The following ENO2 variants were observed in gnomAD, a reference collection of about 807,000 sequenced individuals.
ENO2 encodes the protein enolase 2.
Under a neutral mutation model 48.7 loss-of-function variants are expected in ENO2, and 19 were observed. The ratio of observed to expected loss-of-function variants is 0.39; its 90% CI spans 0.27 to 0.57. The LOEUF (loss-of-function observed/expected upper bound fraction) is 0.57. Ranked by LOEUF, ENO2 falls within the 20% of genes least tolerant of loss-of-function variation. ENO2 has a pLI of 0.58. For synonymous variants in ENO2, 198 were observed against 213.4 expected, an observed-to-expected ratio of 0.93 and a Z score of 0.63; for missense variants, 416 against 555.0, an observed-to-expected ratio of 0.75 and a Z score of 2.52.
intron 8 of ENO2, among the ~76,000 whole-genome samples, chr12:6,919,992 C>A (rs1338939348): frequency 6.6e-6 from 1 of 152,114 alleles, no homozygotes; most frequent in East Asian, 1.9e-4. Flanking sequence ...TGATTAAAGT[C>A]ATGGGTTCTG....
Position 6,917,484 on chromosome 12 carries a change from C to T in ENO2, c.311-97C>T, listed in dbSNP as rs782242023. On this transcript the variant is annotated intron_variant, in intron 5 of 11. Transcript: ENST00000229277. ...CAGGGGTGGGGAGGGAGGAGGGGGT[C>T]TCCTTTACTGGCTCCTTTTGGAGAC... The T allele has an allele frequency of 8.0e-5, 120 of 1,500,650 alleles. No individual in the cohort carries two copies. The South Asian group carries it at 1.6e-3, about 20-fold the overall frequency. The allele number at this position is 1,500,650 out of a possible 1,614,324, so 93.0% of individuals were successfully genotyped here. A position where few individuals can be genotyped will look rare whatever the true frequency, so the allele number is the denominator to read the frequency against.
At chr12:6,918,913 C>T (rs1447505925) in intron 7 of ENO2, among the ~76,000 whole-genome samples, 1 of 142,142 alleles carries the variant, frequency 7.0e-6, no homozygotes, top group Non-Finnish European at 1.5e-5. Flanking sequence ...ACCCGGGAGG[C>T]GGAGGTTGTG....
At chr12:6,917,890 G>A in intron 6 of ENO2, 50 bp from the exon 7 acceptor site, 1 of 1,604,796 alleles carries the variant, frequency 6.2e-7, no homozygotes, top group Admixed American at 1.7e-5. Flanking sequence ...CACTCCTGGG[G>A]CGGGCAGGGA....
intron 8 of ENO2, among the ~76,000 whole-genome samples, chr12:6,920,479 A>T (rs1945330760): frequency 6.6e-6 from 1 of 150,494 alleles, no homozygotes; most frequent in Admixed American, 6.6e-5. Flanking sequence ...GGCTCACCAC[A>T]ACCTCCACCT....
At chr12:6,921,449 T>C in intron 8 of ENO2, 132 bp from the exon 9 acceptor site, 2 of 876,304 alleles carry the variant, frequency 2.3e-6, no homozygotes, top group Non-Finnish European at 3.6e-6. Flanking sequence ...GGGATTTGTC[T>C]TAGCAAGGAT....
intron 8 of ENO2, among the ~76,000 whole-genome samples, chr12:6,920,469 G>A (rs1420647587): frequency 1.3e-5 from 2 of 150,436 alleles, no homozygotes; most frequent in African/African-American, 2.4e-5. Flanking sequence ...GCGCCATCTC[G>A]GCTCACCACA....
chr12:6,919,880 T>C (rs1555141961), intron 8 of ENO2, 117 bp downstream of exon 8: 4 of 1,137,312 alleles, frequency 3.5e-6, no homozygotes, highest in Non-Finnish European at 3.7e-6. Context: ...AAGAAGAACC[T>C]GAGAACCAGG....
Position 6,920,372 on chromosome 12 carries a change from T to G in ENO2, c.865+609T>G, listed in dbSNP as rs1193244713. Among the ~76,000 whole-genome samples the G allele has an allele frequency of 4.7e-4, 39 of 82,552 alleles. 1 individual carries two copies. The highest frequency in any genetic ancestry group is 1.1e-3 in the East Asian group (3 of 2,716). 54.2% of individuals were successfully genotyped at this position (82,552 alleles called of 152,430 possible). A position where few individuals can be genotyped will look rare whatever the true frequency, so the allele number is the denominator to read the frequency against. On this transcript the variant is annotated intron_variant, in intron 8 of 11. Transcript: ENST00000229277. ...ACCCTTGTTACTGGAAGATTTTTTT[T>G]GGGGGGGGGGTGGGGTTGTTTTTTT... is the stretch of plus-strand genomic sequence containing the variant.
intron 8 of ENO2, among the ~76,000 whole-genome samples, chr12:6,921,323 G>A (rs1393543552): frequency 7.2e-5 from 11 of 152,072 alleles, no homozygotes; most frequent in Non-Finnish European, 2.9e-5. Flanking sequence ...GATTGGGGAG[G>A]TGGAGGTTGC....
At chr12:6,917,773 C>A in intron 6 of ENO2, 59 bp downstream of exon 6, 1 of 1,601,644 alleles carries the variant, frequency 6.2e-7, no homozygotes, top group Non-Finnish European at 8.5e-7. Context: ...GAGCATGCAA[C>A]TCATGAGGAA....
chr12:6,922,655 T>A lies in ENO2; in HGVS notation c.1236-76T>A, dbSNP rs1555142233. ...GCAGGTGGTGTGGGGGTGGTTGGAG[T>A]CTGGGGGACCCCTAGAGAGAGAAGC... On this transcript the variant is annotated intron_variant, in intron 11 of 11. Transcript: ENST00000229277. The surrounding 1 kb of genome is among the most constrained non-coding windows in gnomAD (Gnocchi z 5.3). The A allele has an allele frequency of 6.4e-6, 10 of 1,569,094 alleles. No homozygotes were observed. Among genetic ancestry groups the A allele is most frequent in the Non-Finnish European group, 8.8e-7 (1 of 1,141,584 alleles).
rs782174483 is a variant in ENO2, at chr12:6,923,034, TTCTC to T, written c.*238_*241del. ...GCACTTTCCACTTCTTCCTTTCTCTTTCTCTCTTCCCTCAGAAACTAGAAATGTG... is the reference window on the plus strand; with the variant it reads ...GCACTTTCCACTTCTTCCTTTCTCTTTCTTCCCTCAGAAACTAGAAATGTG... On this transcript the variant is annotated 3_prime_UTR_variant, in exon 12 of 12. Coordinates refer to ENST00000229277, the MANE Select transcript of ENO2 (RefSeq NM_001975.3). The T allele has an allele frequency of 9.6e-4, 492 of 511,586 alleles. 4 individuals are homozygous for T. Among genetic ancestry groups the T allele is most frequent in the African/African-American group, 8.6e-3 (451 of 52,472 alleles). The allele number at this position is 511,586 out of a possible 1,614,324, so 31.7% of individuals were successfully genotyped here. A position where few individuals can be genotyped will look rare whatever the true frequency, so the allele number is the denominator to read the frequency against.
chr12:6,922,652 G>C lies in ENO2; in HGVS notation c.1236-79G>C. 6.5e-7 allele frequency: 1 copy of C among 1,532,378 alleles called. No individual in the cohort carries two copies. The highest frequency in any genetic ancestry group is 9.0e-7 in the Non-Finnish European group (1 of 1,108,166). The allele number at this position is 1,532,378 out of a possible 1,614,324, so 94.9% of individuals were successfully genotyped here. A position where few individuals can be genotyped will look rare whatever the true frequency, so the allele number is the denominator to read the frequency against. ...AAAGCAGGTGGTGTGGGGGTGGTTG[G>C]AGTCTGGGGGACCCCTAGAGAGAGA... On this transcript the variant is annotated intron_variant, in intron 11 of 11. Transcript: ENST00000229277. The surrounding 1 kb of genome is among the most constrained non-coding windows in gnomAD (Gnocchi z 5.3).
At chr12:6,919,886 C>T in intron 8 of ENO2, 123 bp downstream of exon 8, 1 of 1,072,514 alleles carries the variant, frequency 9.3e-7, no homozygotes, top group Non-Finnish European at 1.3e-6. Context: ...AACCTGAGAA[C>T]CAGGGAGAGG....
In ENO2 at chr12:6,921,616, T is replaced by C; in HGVS notation, c.901T>C (p.Trp301Arg). Residue 301 changes from tryptophan to arginine, a missense_variant, in exon 9 of 12, where the codon TGG becomes CGG. By Grantham distance (101) the Trp-to-Arg change is moderately radical. Coordinates refer to ENST00000229277, the MANE Select transcript of ENO2 (RefSeq NM_001975.3). Reference protein sequence around the residue: ...SIEDPFDQDDWAAWSKFTANV... With the variant: ...SIEDPFDQDDRAAWSKFTANV... Reference sequence around the variant, plus strand: ...TGAGGACCCATTTGACCAGGATGATTGGGCTGCCTGGTCCAAGTTCACAGC... The same window carrying C: ...TGAGGACCCATTTGACCAGGATGATCGGGCTGCCTGGTCCAAGTTCACAGC... 2 of 1,614,080 alleles carry C rather than the reference T, an allele frequency of 1.2e-6. No homozygotes were observed. Among genetic ancestry groups the C allele is most frequent in the South Asian group, 2.2e-5 (2 of 91,080 alleles).
Position 6,917,413 on chromosome 12 carries a change from C to A in ENO2, c.311-168C>A, listed in dbSNP as rs782608752. The stretch of plus-strand genomic sequence containing the variant: ...CCAATCTCCTCCTCCCCACCCATTC[C>A]TCTCCCTGCTGTTTTCAAGAGAGCA... On this transcript the variant is annotated intron_variant, in intron 5 of 11. Coordinates refer to ENST00000229277, the MANE Select transcript of ENO2 (RefSeq NM_001975.3). 8.4e-6 allele frequency: 8 copies of A among 954,182 alleles called. No individual in the cohort carries two copies. The Admixed American group carries it at 2.0e-4, about 24-fold the overall frequency. 59.1% of individuals were successfully genotyped at this position (954,182 alleles called of 1,614,324 possible).
chr12:6,919,931 T>C (rs1945325055), intron 8 of ENO2, among the ~76,000 whole-genome samples, 168 bp downstream of exon 8: 1 of 152,122 alleles, frequency 6.6e-6, no homozygotes, highest in Non-Finnish European at 1.5e-5. Context: ...GGGCTTTGTA[T>C]GTAGTGTAAA....
In ENO2 at chr12:6,922,409, G is replaced by A; in HGVS notation, c.1235+7G>A. The A allele has an allele frequency of 6.2e-7, 1 of 1,614,176 alleles. No homozygotes were observed. The highest frequency in any genetic ancestry group is 8.5e-7 in the Non-Finnish European group (1 of 1,180,038). ...AATACAACCAGCTCATGAGGTGAGG[G>A]TCCCTGGGGTGGGAGCCCCTGGCCC... On this transcript the variant is annotated splice_region_variant and intron_variant, in intron 11 of 11. Transcript: ENST00000229277. This position sits in a 1 kb window ranked among gnomAD's most constrained non-coding sequence, Gnocchi z 5.3.
In ENO2 at chr12:6,919,687, T is replaced by C. The variant is rs782410343; in HGVS notation, c.789T>C (p.Ser263=). ...RDGKYDLDFK[S]PTDPSRYITG... is the part of the protein sequence containing the mutation. ...GCAAATATGACTTGGACTTCAAGTC[T>C]CCCACTGATCCTTCCCGATACATCA... The change falls in exon 8 of 12, where the codon TCT becomes TCC. Residue 263 remains serine, a synonymous_variant. Coordinates refer to ENST00000229277, the MANE Select transcript of ENO2 (RefSeq NM_001975.3). The C allele has an allele frequency of 6.2e-7, 1 of 1,614,136 alleles. No individual in the cohort carries two copies. Among genetic ancestry groups the C allele is most frequent in the South Asian group, 1.1e-5 (1 of 91,074 alleles).
Sources: gnomAD v4.1 joint callset for allele counts (sites outside exome capture counted in the v4.1 genomes callset) on GRCh38, gnomAD v4.1.1 for gene constraint, Gnocchi (gnomAD v3.1) non-coding constraint, MANE v1.5 for transcripts, NCBI Gene and HGNC (gene_info 2026-07-23, HGNC 2026-07-21) for gene names.